The following NTM variants were observed in gnomAD, a reference collection of about 807,000 sequenced individuals.
NTM encodes neurotrimin.
A neutral mutation model predicts 42.1 loss-of-function variants in NTM; 13 were observed. The observed-to-expected ratio is 0.31, with a 90% CI of 0.20 to 0.49. The LOEUF (loss-of-function observed/expected upper bound fraction) is 0.49. Ranked by LOEUF, NTM falls within the 20% of genes least tolerant of loss-of-function variation. The pLI is 0.99. For synonymous variants in NTM, 187 were observed against 179.2 expected (o/e 1.04, Z -0.35); for missense variants, 373 against 452.8 (o/e 0.82, Z 1.60).
At chr11:131,525,034 AT>A (rs2050265679) in intron 1 of NTM, among the ~76,000 whole-genome samples, 1 of 151,642 alleles carries the variant, frequency 6.6e-6, no homozygotes, top group African/African-American at 2.4e-5. Flanking sequence ...ATCCTAAGTA[AT>A]TTCTGAATGG....
chr11:132,220,631 T>C (rs543633976), intron 4 of NTM, among the ~76,000 whole-genome samples: 11 of 152,304 alleles, frequency 7.2e-5, no homozygotes, highest in Admixed American at 2.0e-4. Context: ...TACCCAATTA[T>C]TTTAAAACCC....
chr11:132,083,027 A>G lies in NTM; in HGVS notation c.168-63255A>G, dbSNP rs944572738. Among the ~76,000 whole-genome samples the G allele has an allele frequency of 3.3e-5, 5 of 152,332 alleles. No homozygotes were observed. The East Asian group carries it at 5.8e-4, about 18-fold the overall frequency. On this transcript the variant is annotated intron_variant, in intron 2 of 8. Coordinates refer to ENST00000683400, the MANE Select transcript of NTM (RefSeq NM_001352005.2). ...CCCTTGGTCTTGATTTTCCCAAAAA[A>G]GAAACCTCCAGGTTATGGGCACTCT...
intron 3 of NTM, among the ~76,000 whole-genome samples, chr11:132,210,855 T>C (rs2082716363): frequency 6.6e-6 from 1 of 152,044 alleles, no homozygotes; most frequent in African/African-American, 2.4e-5. Context: ...GGTTCCAAAA[T>C]AGAAGACCAA....
intron 1 of NTM, among the ~76,000 whole-genome samples, chr11:131,700,964 T>A (rs74704712): frequency 0.01 from 1,559 of 152,314 alleles, 30 homozygotes; most frequent in African/African-American, 0.035. Context: ...TAGCTGTGAG[T>A]CCTTACAGAA....
At chr11:131,997,865 G>A (rs2068370626) in intron 2 of NTM, among the ~76,000 whole-genome samples, 1 of 152,080 alleles carries the variant, frequency 6.6e-6, no homozygotes, top group Non-Finnish European at 1.5e-5. Flanking sequence ...GAATAGTACT[G>A]GGGTTTTGGC....
chr11:132,316,558 G>T (rs533631268), intron 7 of NTM, among the ~76,000 whole-genome samples: 1 of 152,268 alleles, frequency 6.6e-6, no homozygotes, highest in South Asian at 2.1e-4. Flanking sequence ...GTACATGTGG[G>T]GATGTTCTTT....
chr11:131,680,133 C>T (rs963641586), intron 1 of NTM, among the ~76,000 whole-genome samples: 1 of 150,256 alleles, frequency 6.7e-6, no homozygotes, highest in African/African-American at 2.5e-5. Context: ...GGAGCCCTGA[C>T]CCCCCATCCT....
At chr11:131,667,275 C>T (rs1190930128) in intron 1 of NTM, among the ~76,000 whole-genome samples, 1 of 152,162 alleles carries the variant, frequency 6.6e-6, no homozygotes, top group Non-Finnish European at 1.5e-5. Flanking sequence ...GTTCTTGTTC[C>T]AGCCACCTGG....
intron 1 of NTM, among the ~76,000 whole-genome samples, chr11:131,803,661 A>AAT: frequency 6.6e-6 from 1 of 152,034 alleles, no homozygotes; most frequent in Admixed American, 6.6e-5. Context: ...AAGCCAACCT[A>AAT]CTTGTTTCTG....
chr11:132,091,193 C>T (rs542781323), intron 2 of NTM, among the ~76,000 whole-genome samples: 1 of 152,102 alleles, frequency 6.6e-6, no homozygotes, highest in Non-Finnish European at 1.5e-5. Context: ...AGCTCGAAAC[C>T]AGCCTGATCA....
At position 132,213,901 on chromosome 11, in the gene NTM, A is replaced by AT. The variant is rs767535981; in HGVS notation, c.526+1760dup. On this transcript the variant is annotated intron_variant, in intron 4 of 8. Transcript: ENST00000683400. ...AGGCGCCCGCCACTACGCCCGGCTA[A>AT]TTTTTTGTATTTTTAGTAGAGACGG... is the stretch of plus-strand genomic sequence containing the variant. Among the ~76,000 whole-genome samples the AT allele has an allele frequency of 6.8e-3, 788 of 115,132 alleles. 196 individuals carry two copies. Among genetic ancestry groups the AT allele is most frequent in the Middle Eastern group, 0.032 (6 of 190 alleles). The allele number at this position is 115,132 out of a possible 152,430, so 75.5% of individuals were successfully genotyped here.
At chr11:132,109,174 T>A (rs1387578060) in intron 2 of NTM, among the ~76,000 whole-genome samples, 1 of 131,924 alleles carries the variant, frequency 7.6e-6, no homozygotes, top group Non-Finnish European at 1.6e-5. Flanking sequence ...TACGTGTGCA[T>A]GTGTCTTTAT....
At chr11:131,701,680 T>C (rs183866529) in intron 1 of NTM, among the ~76,000 whole-genome samples, 7 of 152,276 alleles carry the variant, frequency 4.6e-5, no homozygotes, top group Middle Eastern at 3.4e-3. Flanking sequence ...CAGCAAGTAG[T>C]GGGCTCCTTA....
chr11:131,555,172 A>G (rs577118556), intron 1 of NTM, among the ~76,000 whole-genome samples: 1 of 152,256 alleles, frequency 6.6e-6, no homozygotes, highest in African/African-American at 2.4e-5. Context: ...AAAAACAAAA[A>G]CCAAAAAACA....
At chr11:131,690,205 C>T (rs1421327479) in intron 1 of NTM, among the ~76,000 whole-genome samples, 5 of 152,282 alleles carry the variant, frequency 3.3e-5, no homozygotes, top group Non-Finnish European at 5.9e-5. Flanking sequence ...TGACACGCAG[C>T]GAGGCTTCCC....
intron 2 of NTM, among the ~76,000 whole-genome samples, chr11:131,947,984 T>G (rs959576807): frequency 3.3e-5 from 5 of 152,136 alleles, no homozygotes; most frequent in African/African-American, 1.2e-4. Context: ...ATTTTTATTA[T>G]CAAATGGTAA....
intron 1 of NTM, among the ~76,000 whole-genome samples, chr11:131,426,657 G>A (rs1387647756): frequency 6.6e-6 from 1 of 152,144 alleles, no homozygotes; most frequent in Non-Finnish European, 1.5e-5. Context: ...CAGAGACCCC[G>A]ATATCCATTC....
chr11:131,529,614 G>T (rs926733738), intron 1 of NTM, among the ~76,000 whole-genome samples: 2 of 152,126 alleles, frequency 1.3e-5, no homozygotes, highest in African/African-American at 4.8e-5. Context: ...CGCACCAACT[G>T]AAATCAAGGC....
chr11:131,866,068 CCA>C (rs1363780666), intron 1 of NTM, among the ~76,000 whole-genome samples: 1 of 148,500 alleles, frequency 6.7e-6, no homozygotes, highest in South Asian at 2.1e-4. Context: ...CACACACACC[CCA>C]CACACTCTCA....
Sources: gnomAD v4.1 joint callset for allele counts (sites outside exome capture counted in the v4.1 genomes callset) on GRCh38, gnomAD v4.1.1 for gene constraint, MANE v1.5 for transcripts, NCBI Gene and HGNC (gene_info 2026-07-23, HGNC 2026-07-21) for gene names.